SHC4: variants seen among roughly 807,000 people sequenced by gnomAD.
SHC4 encodes the protein SHC-transforming protein 4.
SHC4 carries 41 observed loss-of-function variants against 69.4 expected under a neutral mutation model. The observed-to-expected ratio is 0.59, with a 90% CI of 0.46 to 0.77. The LOEUF is 0.77. Ranked by LOEUF, SHC4 falls within the 30% of genes least tolerant of loss-of-function variation. The probability of loss-of-function intolerance (pLI) is 0.00; values close to 1 mark genes in which losing one functional copy is unlikely to be tolerated. For missense variants in SHC4, 777 were observed against 783.8 expected (o/e 0.99, Z 0.10); for synonymous variants, 318 against 299.3 (o/e 1.06, Z -0.64).
At chr15:48,858,809 G>T (rs914095638) in intron 6 of SHC4, among the ~76,000 whole-genome samples, 3 of 152,170 alleles carry the variant, frequency 2.0e-5, no homozygotes, top group African/African-American at 7.2e-5. Context: ...ATAACCAGAA[G>T]AATTGAGAGA....
At chr15:48,826,173 T>C in intron 11 of SHC4, 47 bp from the exon 12 acceptor site, 1 of 1,533,086 alleles carries the variant, frequency 6.5e-7, no homozygotes, top group Non-Finnish European at 8.8e-7. Flanking sequence ...ATAGTAGTTC[T>C]CCTGAAAGAT....
intron 1 of SHC4, among the ~76,000 whole-genome samples, chr15:48,951,362 G>A (rs1901362001): frequency 6.6e-6 from 1 of 151,604 alleles, no homozygotes; most frequent in Non-Finnish European, 1.5e-5. Flanking sequence ...CACTGCCTTT[G>A]TTACCACTCT....
At chr15:48,913,079 C>T (rs908992494) in intron 2 of SHC4, among the ~76,000 whole-genome samples, 12 of 151,678 alleles carry the variant, frequency 7.9e-5, no homozygotes, top group African/African-American at 2.4e-4. Flanking sequence ...GGCCTCCTGC[C>T]AGGAGGTGGC....
intron 1 of SHC4, among the ~76,000 whole-genome samples, chr15:48,944,766 C>G (rs1418623665): frequency 6.6e-6 from 1 of 152,066 alleles, no homozygotes; most frequent in Non-Finnish European, 1.5e-5. Context: ...CCCTTCCTAC[C>G]AAAAAAGATC....
At chr15:48,848,014 A>G (rs977974228) in intron 9 of SHC4, among the ~76,000 whole-genome samples, 1 of 150,922 alleles carries the variant, frequency 6.6e-6, no homozygotes, top group East Asian at 1.9e-4. Context: ...AAAAAAAAAA[A>G]AAACAAAAAA....
intron 3 of SHC4, among the ~76,000 whole-genome samples, chr15:48,889,849 CAAAA>C (rs1197452749): frequency 6.6e-6 from 1 of 152,004 alleles, no homozygotes; most frequent in Admixed American, 6.6e-5. Flanking sequence ...GTCTCAAAAA[CAAAA>C]AACAAAACAA....
intron 4 of SHC4, chr15:48,878,054 T>C: frequency 7.7e-7 from 1 of 1,302,428 alleles, no homozygotes; most frequent in Non-Finnish European, 1.0e-6. Context: ...AGGCGGTACC[T>C]GAGGACCACG....
intron 6 of SHC4, among the ~76,000 whole-genome samples, chr15:48,860,614 G>A (rs1356916268): frequency 6.6e-6 from 1 of 152,172 alleles, no homozygotes; most frequent in East Asian, 1.9e-4. Flanking sequence ...TTAGGATTGA[G>A]GAGATGTTGA....
chr15:48,835,989 G>A (rs1898890525), intron 10 of SHC4, among the ~76,000 whole-genome samples: 1 of 100,482 alleles, frequency 1.0e-5, no homozygotes, highest in Non-Finnish European at 1.8e-5. Flanking sequence ...ACCAGCCTGG[G>A]AAACATGATG....
intron 6 of SHC4, 116 bp from the exon 7 acceptor site, chr15:48,857,931 T>G: frequency 2.7e-6 from 2 of 738,412 alleles, no homozygotes; most frequent in Non-Finnish European, 3.8e-6. Context: ...GGAGCAGGAT[T>G]ACAAGCTCTC....
chr15:48,939,022 A>G (rs1901125950), intron 1 of SHC4, among the ~76,000 whole-genome samples: 2 of 152,224 alleles, frequency 1.3e-5, no homozygotes, highest in Non-Finnish European at 2.9e-5. Flanking sequence ...TATTGTGAGG[A>G]TCCAATCAGG....
At chr15:48,867,904 G>A in intron 5 of SHC4, 35 bp from the exon 6 acceptor site, 1 of 1,538,874 alleles carries the variant, frequency 6.5e-7, no homozygotes, top group Non-Finnish European at 9.0e-7. Flanking sequence ...ATTTAAAATG[G>A]ATGAACTGTA....
rs933352509 is a variant in SHC4, at chr15:48,870,546, G to A, written c.894+1543C>T. Among the ~76,000 whole-genome samples, 3 of 152,264 alleles carry A rather than the reference G, an allele frequency of 2.0e-5. No individual in the cohort carries two copies. The South Asian group carries it at 6.2e-4, about 32-fold the overall frequency. On this transcript the variant is annotated intron_variant, in intron 5 of 11. Coordinates refer to ENST00000332408, the MANE Select transcript of SHC4 (RefSeq NM_203349.4). ...TGAGGAAGTAGTAAAGCTTAAAGGG[G>A]AAACTGGATATCCATTAATTAGAAA...
In SHC4 at chr15:48,963,126, A is replaced by G; in HGVS notation, c.-111T>C. 2.6e-6 allele frequency: 3 copies of G among 1,150,832 alleles called. No individual in the cohort carries two copies. The highest frequency in any genetic ancestry group is 3.7e-6 in the Non-Finnish European group (3 of 819,668). 71.3% of individuals were successfully genotyped at this position (1,150,832 alleles called of 1,614,324 possible). On this transcript the variant is annotated 5_prime_UTR_variant, in exon 1 of 12. Transcript: ENST00000332408. ...ACGCCCGATGCAACTCACAGCAGCCACCTCTCCAACTCTGCTCTCGAGCTC... is the reference window on the plus strand; with the variant it reads ...ACGCCCGATGCAACTCACAGCAGCCGCCTCTCCAACTCTGCTCTCGAGCTC...
At chr15:48,836,741 G>A (rs944190749) in intron 10 of SHC4, among the ~76,000 whole-genome samples, 7 of 152,154 alleles carry the variant, frequency 4.6e-5, no homozygotes, top group African/African-American at 1.7e-4. Context: ...GGCAACCAGT[G>A]TGCTGTAGTC....
intron 3 of SHC4, among the ~76,000 whole-genome samples, chr15:48,890,396 T>C (rs1006143153): frequency 2.0e-5 from 3 of 152,174 alleles, no homozygotes; most frequent in African/African-American, 7.2e-5. Flanking sequence ...GGCACTAAAC[T>C]GGCCATTTAG....
At chr15:48,935,799 T>C (rs1901059020) in intron 1 of SHC4, among the ~76,000 whole-genome samples, 1 of 152,136 alleles carries the variant, frequency 6.6e-6, no homozygotes. Flanking sequence ...GATGAGCTGC[T>C]TGGAACACAA....
At chr15:48,926,271 G>A (rs1220954889) in intron 1 of SHC4, among the ~76,000 whole-genome samples, 1 of 152,082 alleles carries the variant, frequency 6.6e-6, no homozygotes, top group African/African-American at 2.4e-5. Context: ...CCTTAGAAAT[G>A]TTACTAGAGC....
intron 1 of SHC4, among the ~76,000 whole-genome samples, chr15:48,944,017 G>A (rs766974213): frequency 1.3e-5 from 2 of 152,028 alleles, no homozygotes; most frequent in African/African-American, 2.4e-5. Context: ...AGGACACCCA[G>A]AGTCTCTGCC....
Sources: gnomAD v4.1 joint callset for allele counts (sites outside exome capture counted in the v4.1 genomes callset) on GRCh38, gnomAD v4.1.1 for gene constraint, MANE v1.5 for transcripts, NCBI Gene and HGNC (gene_info 2026-07-23, HGNC 2026-07-21) for gene names.